EDARADD: variants seen among roughly 807,000 people sequenced by gnomAD.
EDARADD encodes EDAR associated via death domain, also known as ectodysplasin-A receptor-associated adapter protein.
EDARADD carries 20 observed loss-of-function variants against 25.6 expected under a neutral mutation model. The observed-to-expected ratio is 0.78, with a 90% confidence interval of 0.55 to 1.14. The LOEUF (loss-of-function observed/expected upper bound fraction) is 1.14. Ranked by LOEUF, EDARADD falls within the 50% of genes most tolerant of loss-of-function variation. EDARADD has a pLI of 0.00. For missense variants in EDARADD, 225 were observed against 270.1 expected (o/e 0.83, Z 1.17); for synonymous variants, 86 against 94.4 (o/e 0.91, Z 0.52).
At chr1:236,354,911 C>A (rs550995028) in intron 3 of EDARADD, among the ~76,000 whole-genome samples, 1 of 152,264 alleles carries the variant, frequency 6.6e-6, no homozygotes, top group Non-Finnish European at 1.5e-5. Context: ...ATTTGGCTCC[C>A]CTCATAAATA....
chr1:236,473,576 G>A (rs1329836416), intron 5 of EDARADD, among the ~76,000 whole-genome samples: 13 of 152,110 alleles, frequency 8.5e-5, no homozygotes, highest in Admixed American at 7.9e-4. Flanking sequence ...CCAGGAGTTC[G>A]AGACCAGCCT....
Position 236,483,475 on chromosome 1 carries a change from C to G in EDARADD, c.*826C>G. 9.7e-7 allele frequency: 1 copy of G among 1,032,824 alleles called. No homozygotes were observed. Among genetic ancestry groups the G allele is most frequent in the Non-Finnish European group, 1.5e-6 (1 of 652,650 alleles). 64.0% of individuals were successfully genotyped at this position (1,032,824 alleles called of 1,614,324 possible). ...GAGATGGATGGAACAGAAAATAAATCTAAATTTGGTGCAAATGCCATTCTG... is the reference window on the plus strand; with the variant it reads ...GAGATGGATGGAACAGAAAATAAATGTAAATTTGGTGCAAATGCCATTCTG... On this transcript the variant is annotated 3_prime_UTR_variant, in exon 6 of 6. Transcript: ENST00000334232.
At chr1:236,375,857 A>G (rs1340347433) in intron 3 of EDARADD, among the ~76,000 whole-genome samples, 1 of 151,530 alleles carries the variant, frequency 6.6e-6, no homozygotes, top group African/African-American at 2.4e-5. Context: ...ACTGCATTCC[A>G]GCCTAAGTAA....
intron 4 of EDARADD, among the ~76,000 whole-genome samples, chr1:236,458,468 A>G (rs917736951): frequency 5.9e-5 from 9 of 152,192 alleles, no homozygotes; most frequent in Non-Finnish European, 1.5e-5. Flanking sequence ...CTAAGGAATC[A>G]GGAAGGAAGT....
At chr1:236,379,526 C>G (rs865856827) in intron 3 of EDARADD, among the ~76,000 whole-genome samples, 1 of 152,058 alleles carries the variant, frequency 6.6e-6, no homozygotes, top group Non-Finnish European at 1.5e-5. Context: ...CGCTTGTAAT[C>G]CCAGCACTTT....
intron 4 of EDARADD, among the ~76,000 whole-genome samples, chr1:236,437,812 G>T (rs61833997): frequency 0.042 from 5,299 of 127,278 alleles, 134 homozygotes; most frequent in Middle Eastern, 0.077. Flanking sequence ...CGTGATCTCA[G>T]ATCTCAGCCC....
chr1:236,465,094 G>A (rs182534111), intron 4 of EDARADD, among the ~76,000 whole-genome samples: 9 of 152,042 alleles, frequency 5.9e-5, no homozygotes, highest in Admixed American at 5.9e-4. Flanking sequence ...TCTCTACAGC[G>A]GCTCTCACTT....
At chr1:236,435,359 C>T (rs1275486446) in intron 4 of EDARADD, among the ~76,000 whole-genome samples, 1 of 152,226 alleles carries the variant, frequency 6.6e-6, no homozygotes, top group Non-Finnish European at 1.5e-5. Context: ...ATTGTCTTCA[C>T]CCATTGATTA....
intron 3 of EDARADD, among the ~76,000 whole-genome samples, chr1:236,360,897 T>C (rs1448118521): frequency 1.3e-5 from 2 of 151,852 alleles, no homozygotes; most frequent in African/African-American, 4.8e-5. Context: ...CCAAACTGGA[T>C]AGTGAGGTGA....
chr1:236,463,503 G>A (rs1659095354), intron 4 of EDARADD, among the ~76,000 whole-genome samples: 1 of 152,228 alleles, frequency 6.6e-6, no homozygotes, highest in African/African-American at 2.4e-5. Context: ...ATGTTAGCCA[G>A]GTTGGTCTCG....
chr1:236,452,825 AACTCCTATGAC>A (rs1401585531), intron 4 of EDARADD, among the ~76,000 whole-genome samples: 2 of 152,050 alleles, frequency 1.3e-5, no homozygotes, highest in African/African-American at 4.8e-5. Context: ...GCCCAATCAA[AACTCCTATGAC>A]ACTAAAGACA....
intron 4 of EDARADD, among the ~76,000 whole-genome samples, chr1:236,452,684 T>TGCTA: frequency 6.6e-6 from 1 of 152,270 alleles, no homozygotes; most frequent in South Asian, 2.1e-4. Context: ...AATGGACTAA[T>TGCTA]ACACTTCTAT....
rs1475076320 is a variant in EDARADD at position 236,395,181 on chromosome 1, T to A, written c.61+676T>A. ...AAAGCGACCCGCGACTGCAGCCGTT[T>A]CTTAAGGCCAGTCCTTCGCTCGCAG... On this transcript the variant is annotated intron_variant, in intron 1 of 5. Transcript: ENST00000334232. This position sits in a 1 kb window ranked among gnomAD's most constrained non-coding sequence, Gnocchi z 6.9. 5.9e-5 allele frequency among the ~76,000 whole-genome samples: 9 copies of A among 152,172 alleles called. No homozygotes were observed. The highest frequency in any genetic ancestry group is 2.2e-4 in the African/African-American group (9 of 41,456).
At chr1:236,470,942 C>T (rs1383259056) in intron 5 of EDARADD, among the ~76,000 whole-genome samples, 1 of 152,178 alleles carries the variant, frequency 6.6e-6, no homozygotes, top group African/African-American at 2.4e-5. Context: ...GGGGGTTCCC[C>T]ATGTTGGCCA....
chr1:236,459,155 C>T (rs946138758), intron 4 of EDARADD, among the ~76,000 whole-genome samples: 14 of 151,988 alleles, frequency 9.2e-5, no homozygotes, highest in Admixed American at 7.9e-4. Context: ...TCCTTTTGCC[C>T]GTGTTCTAGC....
intron 4 of EDARADD, among the ~76,000 whole-genome samples, chr1:236,430,590 A>C (rs373975561): frequency 1.3e-5 from 2 of 149,510 alleles, no homozygotes; most frequent in Non-Finnish European, 3.0e-5. Flanking sequence ...TGAGATTTTT[A>C]AAGTTCTATT....
upstream of EDARADD, among the ~76,000 whole-genome samples, chr1:236,392,826 C>G (rs139534746): frequency 6.6e-6 from 1 of 152,106 alleles, no homozygotes; most frequent in Non-Finnish European, 1.5e-5. Context: ...CCTGTCACCA[C>G]GCCCAGCTAA....
chr1:236,364,798 A>G (rs1218851062), intron 3 of EDARADD, among the ~76,000 whole-genome samples: 3 of 152,234 alleles, frequency 2.0e-5, no homozygotes, highest in Non-Finnish European at 4.4e-5. Flanking sequence ...TGTAGAATCT[A>G]TCACATTTTC....
chr1:236,351,856 GT>G (rs1243802152), intron 3 of EDARADD, among the ~76,000 whole-genome samples: 8 of 152,092 alleles, frequency 5.3e-5, no homozygotes, highest in Non-Finnish European at 1.2e-4. Flanking sequence ...ACCTTTATGG[GT>G]TTTTTTAATC....
Sources: allele counts gnomAD v4.1 joint callset (sites outside exome capture counted in the v4.1 genomes callset), GRCh38; gene constraint gnomAD v4.1.1; non-coding constraint Gnocchi (gnomAD v3.1); transcripts MANE v1.5; gene names NCBI Gene and HGNC (gene_info 2026-07-23, HGNC 2026-07-21).